AKIRIN1: variants seen among roughly 807,000 people sequenced by gnomAD.
AKIRIN1 encodes akirin 1.
AKIRIN1 carries 4 observed loss-of-function variants against 25.9 expected under a neutral mutation model. The observed-to-expected ratio is 0.15, with a 90% CI of 0.08 to 0.35. The LOEUF (loss-of-function observed/expected upper bound fraction) is 0.35. Among genes scored for constraint, AKIRIN1 ranks in the 10% least tolerant of loss-of-function variants. The probability of loss-of-function intolerance (pLI) is 1.00; values close to 1 mark genes in which losing one functional copy is unlikely to be tolerated. For synonymous variants in AKIRIN1, 125 were observed against 105.1 expected, an observed-to-expected ratio of 1.19 and a Z score of -1.16; for missense variants, 243 against 266.1, an observed-to-expected ratio of 0.91 and a Z score of 0.61.
rs1220713164 is a variant in AKIRIN1 at position 39,003,208 on chromosome 1, A to G, written c.497-139A>G. The G allele has an allele frequency of 1.6e-5, 12 of 760,974 alleles. 1 individual carries two copies. The South Asian group carries it at 1.6e-4, about 10-fold the overall frequency. 47.1% of individuals were successfully genotyped at this position (760,974 alleles called of 1,614,324 possible). ...AGTGACCTTTATATAAGGTCACTGGACTTTAATACAAGGACCTTTATAAAG... is the reference window on the plus strand; with the variant it reads ...AGTGACCTTTATATAAGGTCACTGGGCTTTAATACAAGGACCTTTATAAAG... On this transcript the variant is annotated intron_variant, in intron 3 of 4. Coordinates refer to ENST00000432648, the MANE Select transcript of AKIRIN1 (RefSeq NM_024595.3).
intron 2 of AKIRIN1, among the ~76,000 whole-genome samples, chr1:38,998,541 T>G (rs1345355230): frequency 6.6e-6 from 1 of 152,174 alleles, no homozygotes; most frequent in South Asian, 2.1e-4. Flanking sequence ...AACTGCAATG[T>G]GTAATATTGT....
intron 2 of AKIRIN1, among the ~76,000 whole-genome samples, chr1:39,000,709 T>C (rs1643983310): frequency 6.6e-6 from 1 of 151,532 alleles, no homozygotes; most frequent in Non-Finnish European, 1.5e-5. Context: ...CAGGCTGGAG[T>C]GCAGTGGCAC....
At chr1:38,993,042 G>C (rs1330521437) in intron 1 of AKIRIN1, among the ~76,000 whole-genome samples, 2 of 152,188 alleles carry the variant, frequency 1.3e-5, no homozygotes, top group African/African-American at 4.8e-5. Context: ...CCTAGCTCCT[G>C]CAGATACCTA....
chr1:39,000,163 G>A (rs1235581564), intron 2 of AKIRIN1, among the ~76,000 whole-genome samples: 5 of 150,406 alleles, frequency 3.3e-5, no homozygotes, highest in African/African-American at 7.3e-5. Flanking sequence ...GATTACAGGC[G>A]AGAGCCACCA....
intron 1 of AKIRIN1, among the ~76,000 whole-genome samples, chr1:38,991,942 T>G (rs906947614): frequency 2.2e-5 from 3 of 138,622 alleles, no homozygotes; most frequent in African/African-American, 8.1e-5. Context: ...CGAGCAACCC[T>G]GCAGATCCAG....
chr1:39,002,690 A>G (rs1041588638), intron 3 of AKIRIN1, among the ~76,000 whole-genome samples: 3 of 152,044 alleles, frequency 2.0e-5, no homozygotes, highest in Admixed American at 2.0e-4. Context: ...AGGTTGCGCC[A>G]CTGCACTCCA....
chr1:38,999,933 A>G (rs1226616577), intron 2 of AKIRIN1, among the ~76,000 whole-genome samples: 1 of 151,476 alleles, frequency 6.6e-6, no homozygotes, highest in Non-Finnish European at 1.5e-5. Flanking sequence ...CCCAGGCTGG[A>G]GTGCAGTGGC....
At chr1:38,998,608 T>C (rs1325513455) in intron 2 of AKIRIN1, among the ~76,000 whole-genome samples, 1 of 152,080 alleles carries the variant, frequency 6.6e-6, no homozygotes, top group Non-Finnish European at 1.5e-5. Flanking sequence ...CTAATTAAAA[T>C]TAGATAAAAT....
At position 39,004,162 on chromosome 1, in the gene AKIRIN1, G is replaced by A; in HGVS notation, c.*107G>A. The A allele has an allele frequency of 1.6e-6, 2 of 1,266,348 alleles. No individual in the cohort carries two copies. The highest frequency in any genetic ancestry group is 1.7e-5 in the Admixed American group (1 of 59,266). 78.4% of individuals were successfully genotyped at this position (1,266,348 alleles called of 1,614,324 possible). Reference sequence around the variant, plus strand: ...TTTCAGCTCCAACTTTGCATCCTGAGAACACTTAAACGTTTCTGCAGGTCC... The same window carrying A: ...TTTCAGCTCCAACTTTGCATCCTGAAAACACTTAAACGTTTCTGCAGGTCC... On this transcript the variant is annotated 3_prime_UTR_variant, in exon 5 of 5. Coordinates refer to ENST00000432648, the MANE Select transcript of AKIRIN1 (RefSeq NM_024595.3).
intron 3 of AKIRIN1, among the ~76,000 whole-genome samples, chr1:39,002,147 C>T (rs1301334978): frequency 1.3e-5 from 2 of 152,182 alleles, no homozygotes; most frequent in Admixed American, 6.6e-5. Context: ...TGATTAAAGT[C>T]CTCAGCTGTA....
At chr1:38,992,499 C>A (rs951815355) in intron 1 of AKIRIN1, among the ~76,000 whole-genome samples, 2 of 151,996 alleles carry the variant, frequency 1.3e-5, no homozygotes, top group African/African-American at 2.4e-5. Flanking sequence ...TTAAGCAAAA[C>A]CTTAGGCTCA....
intron 2 of AKIRIN1, 112 bp downstream of exon 2, chr1:38,998,423 A>G (rs1643963881): frequency 1.7e-6 from 2 of 1,196,386 alleles, no homozygotes; most frequent in Non-Finnish European, 2.3e-6. Context: ...ACGGGGATGT[A>G]TTAATATTTA....
At chr1:39,003,285 C>T (rs958803860) in intron 3 of AKIRIN1, 62 bp from the exon 4 acceptor site, 14 of 1,499,778 alleles carry the variant, frequency 9.3e-6, no homozygotes, top group African/African-American at 4.1e-5. Context: ...GTGATCCTGA[C>T]GCTTGATTCT....
chr1:38,998,427 A>G (rs1404378469), intron 2 of AKIRIN1, 116 bp downstream of exon 2: 18 of 1,140,348 alleles, frequency 1.6e-5, no homozygotes, highest in Admixed American at 3.2e-5. Flanking sequence ...GGATGTATTA[A>G]TATTTACAGA....
At chr1:39,000,949 A>G (rs984477753) in intron 2 of AKIRIN1, 23 bp from the exon 3 acceptor site, 3 of 1,600,854 alleles carry the variant, frequency 1.9e-6, no homozygotes, top group Non-Finnish European at 2.6e-6. Flanking sequence ...ACCTGGCCCA[A>G]ACTCACTTTT....
rs1643998391 is a variant in AKIRIN1 at position 39,002,276 on chromosome 1, CTT to C, written c.497-1067_497-1066del. ...ATCATCAGAGAGTGAAGAAGCACAA[CTT>C]TTTCCTGTAACACTATTGTTTCCTA... On this transcript the variant is annotated intron_variant, in intron 3 of 4. Coordinates refer to ENST00000432648, the MANE Select transcript of AKIRIN1 (RefSeq NM_024595.3). Among the ~76,000 whole-genome samples the C allele has an allele frequency of 3.3e-5, 5 of 152,184 alleles. 1 individual carries two copies. In the South Asian group the frequency reaches 1.0e-3, roughly 31 times the overall value.
At chr1:38,992,970 T>C (rs956195292) in intron 1 of AKIRIN1, among the ~76,000 whole-genome samples, 1 of 152,206 alleles carries the variant, frequency 6.6e-6, no homozygotes, top group African/African-American at 2.4e-5. Context: ...CAAAAGTCCA[T>C]TTTAAAGAAC....
intron 3 of AKIRIN1, among the ~76,000 whole-genome samples, chr1:39,002,422 T>C (rs1315022682): frequency 6.6e-6 from 1 of 152,180 alleles, no homozygotes; most frequent in African/African-American, 2.4e-5. Context: ...TTTGATCCTT[T>C]AATATGTATT....
At chr1:39,000,021 T>A (rs1643976931) in intron 2 of AKIRIN1, among the ~76,000 whole-genome samples, 1 of 151,976 alleles carries the variant, frequency 6.6e-6, no homozygotes, top group Non-Finnish European at 1.5e-5. Context: ...TAGCTGGGAC[T>A]ACAGGCGCCC....
Sources: gnomAD v4.1 joint callset for allele counts (sites outside exome capture counted in the v4.1 genomes callset) on GRCh38, gnomAD v4.1.1 for gene constraint, MANE v1.5 for transcripts, NCBI Gene and HGNC (gene_info 2026-07-23, HGNC 2026-07-21) for gene names.